MSI2: variants seen among roughly 807,000 people sequenced by gnomAD.
The protein encoded by MSI2 is RNA-binding protein Musashi homolog 2.
A neutral mutation model predicts 45.6 loss-of-function variants in MSI2; 17 were observed. That is an observed-to-expected ratio of 0.37 (90% CI 0.26 to 0.56). The LOEUF (loss-of-function observed/expected upper bound fraction) is 0.56. MSI2 is among the 20% of genes least tolerant of loss of function. The pLI is 0.77. For synonymous variants in MSI2, 156 were observed against 158.2 expected (o/e 0.99, Z 0.11); for missense variants, 293 against 444.2 (o/e 0.66, Z 3.06).
intron 10 of MSI2, chr17:57,631,875 A>G (rs762794341): frequency 1.9e-6 from 3 of 1,607,934 alleles, no homozygotes; most frequent in Non-Finnish European, 2.5e-6. Flanking sequence ...TACCATTTCT[A>G]GAGAGAGAGG....
At chr17:57,299,636 A>G (rs1027144044) in intron 5 of MSI2, among the ~76,000 whole-genome samples, 1 of 152,098 alleles carries the variant, frequency 6.6e-6, no homozygotes, top group Non-Finnish European at 1.5e-5. Flanking sequence ...ATTTATCTTA[A>G]TATTTATTAA....
intron 5 of MSI2, among the ~76,000 whole-genome samples, chr17:57,371,882 A>G (rs984024875): frequency 6.6e-6 from 1 of 151,404 alleles, no homozygotes; most frequent in Non-Finnish European, 1.5e-5. Flanking sequence ...TATATATGAA[A>G]AATATATAAA....
chr17:57,402,377 G>T (rs2084009480), intron 6 of MSI2, among the ~76,000 whole-genome samples: 1 of 152,160 alleles, frequency 6.6e-6, no homozygotes, highest in African/African-American at 2.4e-5. Flanking sequence ...CCCAGGTCTG[G>T]GACAGTCTCC....
chr17:57,399,998 C>A (rs1002506424), intron 5 of MSI2, among the ~76,000 whole-genome samples: 1 of 152,204 alleles, frequency 6.6e-6, no homozygotes, highest in Admixed American at 6.5e-5. Context: ...CCCGGGCAGC[C>A]ATGGCTCCTA....
chr17:57,590,243 A>G (rs768561570), intron 7 of MSI2, among the ~76,000 whole-genome samples: 3 of 152,078 alleles, frequency 2.0e-5, no homozygotes, highest in African/African-American at 7.2e-5. Context: ...TCATTGACCT[A>G]TATGATAAGA....
intron 6 of MSI2, among the ~76,000 whole-genome samples, chr17:57,520,300 G>C (rs528280491): frequency 2.6e-5 from 4 of 152,324 alleles, no homozygotes; most frequent in African/African-American, 9.6e-5. Context: ...TACGTCTCCA[G>C]GATTAAGTTG....
intron 6 of MSI2, among the ~76,000 whole-genome samples, chr17:57,446,338 G>A (rs1322989320): frequency 2.0e-5 from 3 of 152,140 alleles, no homozygotes; most frequent in Non-Finnish European, 4.4e-5. Flanking sequence ...GAGGGGAGAT[G>A]AGGTTAGCGA....
At chr17:57,603,924 A>G (rs1906212616) in intron 8 of MSI2, among the ~76,000 whole-genome samples, 1 of 152,262 alleles carries the variant, frequency 6.6e-6, no homozygotes, top group Non-Finnish European at 1.5e-5. Flanking sequence ...AGCACACATT[A>G]TTAGGGGCAG....
rs1197471156 is a variant in MSI2, at chr17:57,611,476, G to A, written c.538-4494G>A. 6.3e-5 allele frequency among the ~76,000 whole-genome samples: 6 copies of A among 95,368 alleles called. 2 individuals are homozygous for A. Among genetic ancestry groups the A allele is most frequent in the African/African-American group, 2.0e-4 (6 of 30,724 alleles). 62.6% of individuals were successfully genotyped at this position (95,368 alleles called of 152,430 possible). On this transcript the variant is annotated intron_variant, in intron 8 of 13. Transcript: ENST00000284073. ...CCCTGTCAGCTCACTGCCCTTCACC[G>A]ACCACATGTGGTTGTTGGTCTCCAA...
intron 11 of MSI2, among the ~76,000 whole-genome samples, chr17:57,658,359 A>T (rs1911754421): frequency 6.6e-6 from 1 of 152,244 alleles, no homozygotes; most frequent in South Asian, 2.1e-4. Context: ...CTCTCAGTCT[A>T]CTGCCATGTG....
chr17:57,547,885 T>C (rs2087207703), intron 7 of MSI2, among the ~76,000 whole-genome samples: 1 of 152,120 alleles, frequency 6.6e-6, no homozygotes, highest in Admixed American at 6.5e-5. Context: ...GATTTTATCA[T>C]CAGTGTGGTA....
intron 7 of MSI2, among the ~76,000 whole-genome samples, chr17:57,551,067 G>A (rs186978817): frequency 2.7e-3 from 404 of 152,202 alleles, no homozygotes; most frequent in African/African-American, 9.0e-3. Flanking sequence ...ACCTTCTCCC[G>A]GTGCTTTTTT....
intron 6 of MSI2, among the ~76,000 whole-genome samples, chr17:57,500,156 G>A (rs781562253): frequency 7.9e-5 from 12 of 152,088 alleles, no homozygotes; most frequent in East Asian, 1.9e-4. Context: ...CGCTCAGGAC[G>A]GGTAGGAGGT....
intron 5 of MSI2, among the ~76,000 whole-genome samples, chr17:57,283,719 G>A (rs1909620220): frequency 6.6e-6 from 1 of 152,226 alleles, no homozygotes. Context: ...AGCCAAGTTG[G>A]TGCTTAGTCT....
At chr17:57,700,968 G>T in the MSI2 span, among the ~76,000 whole-genome samples, 1 of 152,108 alleles carries the variant, frequency 6.6e-6, no homozygotes, top group Non-Finnish European at 1.5e-5. Flanking sequence ...TTTGGTCTTT[G>T]CTAACTTGGG....
chr17:57,337,668 CCTT>C (rs1389678981), intron 5 of MSI2, among the ~76,000 whole-genome samples: 1 of 152,140 alleles, frequency 6.6e-6, no homozygotes, highest in Non-Finnish European at 1.5e-5. Flanking sequence ...GCTGGGGGCT[CCTT>C]CTTCACATCA....
intron 5 of MSI2, among the ~76,000 whole-genome samples, chr17:57,284,010 A>G (rs1567734851): frequency 6.6e-6 from 1 of 152,194 alleles, no homozygotes; most frequent in East Asian, 1.9e-4. Context: ...CAAATAGTCA[A>G]CTTCAGGCGA....
At chr17:57,287,798 A>T (rs1185396474) in intron 5 of MSI2, among the ~76,000 whole-genome samples, 1 of 152,210 alleles carries the variant, frequency 6.6e-6, no homozygotes, top group Non-Finnish European at 1.5e-5. Flanking sequence ...GAATGAAATC[A>T]GAGTCCTGTG....
intron 6 of MSI2, among the ~76,000 whole-genome samples, chr17:57,464,370 G>A (rs952557494): frequency 1.3e-5 from 2 of 152,150 alleles, no homozygotes; most frequent in African/African-American, 4.8e-5. Flanking sequence ...CTTGAGCCTG[G>A]GAGGTCAAGG....
Sources: allele counts gnomAD v4.1 joint callset (sites outside exome capture counted in the v4.1 genomes callset), GRCh38; gene constraint gnomAD v4.1.1; transcripts MANE v1.5; gene names NCBI Gene and HGNC (gene_info 2026-07-23, HGNC 2026-07-21).